NPW: variants seen among roughly 807,000 people sequenced by gnomAD.
NPW encodes prepro-neuropeptide W.
A neutral mutation model predicts 9.9 loss-of-function variants in NPW; 8 were observed. The observed-to-expected ratio is 0.81, with a 90% CI of 0.47 to 1.46. The LOEUF (loss-of-function observed/expected upper bound fraction) is 1.46, where lower values mean the gene tolerates loss of function less well. Among genes scored for constraint, NPW ranks in the 40% most tolerant of loss-of-function variants. NPW has a pLI of 0.00. For missense variants in NPW, 287 were observed against 240.3 expected (o/e 1.19, Z -1.28); for synonymous variants, 134 against 119.9 (o/e 1.12, Z -0.77).
rs531659704 is a variant in NPW, at chr16:2,020,145, C to A, written c.244C>A (p.Pro82Thr). 47 of 1,576,538 alleles carry A rather than the reference C, an allele frequency of 3.0e-5. No homozygotes were observed. The East Asian group carries it at 4.4e-4, about 15-fold the overall frequency. ...GGCCAGGGACACCCTCTCCCCCGAA[C>A]CCGCAGCCCGCGAGGCTCCTCTCCT... Residue 82 changes from proline to threonine, a missense_variant, in exon 1 of 2, where the codon CCC becomes ACC. Coordinates refer to ENST00000566435, the MANE Select transcript of NPW (RefSeq NM_001099456.3).
rs1181700073 is a variant in NPW, at chr16:2,020,073, T to C, written c.172T>C (p.Ser58Pro). 1.3e-6 allele frequency: 2 copies of C among 1,499,880 alleles called. No homozygotes were observed. 92.9% of individuals were successfully genotyped at this position (1,499,880 alleles called of 1,614,324 possible). Residue 58 changes from serine (S) to proline (P), a missense_variant, in exon 1 of 2, where the codon TCA (serine) becomes CCA (proline). Ser to Pro is a moderately conservative substitution (Grantham distance 74). Transcript: ENST00000566435. ...TGGCCTGCTCATGGGGCTGCGTCGC[T>C]CACCCTATCTGTGGCGCCGCGCGCT...
chr16:2,020,280 C>A lies in NPW; in HGVS notation c.379C>A (p.Pro127Thr), dbSNP rs1250666445. Residue 127 changes from proline (P) to threonine (T), a missense_variant, in exon 1 of 2, where the codon CCG becomes ACG. Pro to Thr is a conservative substitution (Grantham distance 38). Coordinates refer to ENST00000566435, the MANE Select transcript of NPW (RefSeq NM_001099456.3). ...GCGCGCCCCAGAGCCTGCGCTGGAA[C>A]CGGAGTCCCTGGACTTCAGCGGAGC... is the stretch of plus-strand genomic sequence containing the variant. 2 of 1,530,382 alleles carry A rather than the reference C, an allele frequency of 1.3e-6. No homozygotes were observed. Among genetic ancestry groups the A allele is most frequent in the African/African-American group, 1.4e-5 (1 of 72,558 alleles). 94.8% of individuals were successfully genotyped at this position (1,530,382 alleles called of 1,614,324 possible).
Sources: allele counts gnomAD v4.1 joint callset, GRCh38; gene constraint gnomAD v4.1.1; transcripts MANE v1.5; gene names NCBI Gene and HGNC (gene_info 2026-07-23, HGNC 2026-07-21).